The following KIF21A variants were observed in gnomAD, a reference collection of about 807,000 sequenced individuals.
KIF21A encodes the protein kinesin-like protein KIF21A.
Under a neutral mutation model 202.9 loss-of-function variants are expected in KIF21A, and 114 were observed. The ratio of observed to expected loss-of-function variants is 0.56; its 90% CI spans 0.48 to 0.66. The LOEUF (loss-of-function observed/expected upper bound fraction) is 0.66, where lower values mean the gene tolerates loss of function less well. Ranked by LOEUF, KIF21A falls within the 30% of genes least tolerant of loss-of-function variation. The pLI, the probability that KIF21A is intolerant of heterozygous loss-of-function variation, is 0.00. For synonymous variants in KIF21A, 667 were observed against 670.8 expected, an observed-to-expected ratio of 0.99 and a Z score of 0.09; for missense variants, 1,677 against 1,994.9, an observed-to-expected ratio of 0.84 and a Z score of 3.04.
rs79622415 is a variant in KIF21A, at chr12:39,332,851, C to T, written c.2702+42G>A. The T allele has an allele frequency of 9.3e-3, 14,907 of 1,607,554 alleles. 1,203 individuals are homozygous for T. In the African/African-American group the frequency reaches 0.18, roughly 19 times the overall value. ...ATTTAAGTACAACATTCAGTATTAA[C>T]GGCCAAGAAGATTACATCAGCAGGA... On this transcript the variant is annotated intron_variant, in intron 19 of 37. Coordinates refer to ENST00000361418, the MANE Select transcript of KIF21A (RefSeq NM_001173464.2).
intron 6 of KIF21A, among the ~76,000 whole-genome samples, chr12:39,365,230 A>G (rs1469522653): frequency 6.6e-6 from 1 of 152,190 alleles, no homozygotes; most frequent in Non-Finnish European, 1.5e-5. Flanking sequence ...GACTAATTTG[A>G]GTAATAAAAC....
intron 37 of KIF21A, among the ~76,000 whole-genome samples, chr12:39,294,887 G>A (rs1380553945): frequency 1.3e-5 from 2 of 152,168 alleles, no homozygotes. Flanking sequence ...CTGGCTCCGA[G>A]CCCTATCTCT....
intron 1 of KIF21A, among the ~76,000 whole-genome samples, chr12:39,426,071 G>T (rs1345180259): frequency 1.3e-5 from 2 of 151,944 alleles, no homozygotes; most frequent in African/African-American, 4.8e-5. Flanking sequence ...CAGGTAATCG[G>T]TCTACCAAGA....
In KIF21A at chr12:39,333,119, G is replaced by C. The variant is rs1223436259; in HGVS notation, c.2488-12C>G. 1.2e-6 allele frequency: 2 copies of C among 1,611,886 alleles called. No individual in the cohort carries two copies. Among genetic ancestry groups the C allele is most frequent in the Admixed American group, 3.3e-5 (2 of 59,988 alleles). On this transcript the variant is annotated splice_polypyrimidine_tract_variant and intron_variant, in intron 18 of 37. Coordinates refer to ENST00000361418, the MANE Select transcript of KIF21A (RefSeq NM_001173464.2). ...CGAAGAGCCGTAACCTGAAATTGCAGCAAAGGTTGACTCATTCTCTTAGTC... is the reference window on the plus strand; with the variant it reads ...CGAAGAGCCGTAACCTGAAATTGCACCAAAGGTTGACTCATTCTCTTAGTC...
At chr12:39,311,271 TTATA>T (rs994767313) in intron 32 of KIF21A, 142 bp downstream of exon 32, 47 of 708,324 alleles carry the variant, frequency 6.6e-5, no homozygotes, top group Non-Finnish European at 1.0e-4. Flanking sequence ...TGCAATAATT[TTATA>T]TATTTTACAT....
chr12:39,325,741 G>C, intron 26 of KIF21A, 98 bp downstream of exon 26: 1 of 843,308 alleles, frequency 1.2e-6, no homozygotes. Context: ...ATGCCCTCTT[G>C]CTAATCTATT....
rs1287153359 is a variant in KIF21A at position 39,316,114 on chromosome 12, C to A, written c.3909-144G>T. Reference sequence around the variant, plus strand: ...ATAGTGCCCTGCTTTTCTACTTGCACTGGATATTAGCATGTTTAAAGTATA... The same window carrying A: ...ATAGTGCCCTGCTTTTCTACTTGCAATGGATATTAGCATGTTTAAAGTATA... On this transcript the variant is annotated intron_variant, in intron 29 of 37. Transcript: ENST00000361418. 7 of 715,440 alleles carry A rather than the reference C, an allele frequency of 9.8e-6. No individual in the cohort carries two copies. The African/African-American group carries it at 1.2e-4, about 13-fold the overall frequency. The allele number at this position is 715,440 out of a possible 1,614,324, so 44.3% of individuals were successfully genotyped here. A position where few individuals can be genotyped will look rare whatever the true frequency, so the allele number is the denominator to read the frequency against.
At chr12:39,426,674 A>G (rs1242677491) in intron 1 of KIF21A, among the ~76,000 whole-genome samples, 1 of 150,914 alleles carries the variant, frequency 6.6e-6, no homozygotes, top group Non-Finnish European at 1.5e-5. Context: ...GGAGTTTGAG[A>G]CCAGCCTGGC....
rs1188204192 is a variant in KIF21A, at chr12:39,322,791, G to A, written c.3548C>T (p.Pro1183Leu). 8 of 1,614,052 alleles carry A rather than the reference G, an allele frequency of 5.0e-6. No homozygotes were observed. The highest frequency in any genetic ancestry group is 5.9e-6 in the Non-Finnish European group (7 of 1,179,956). ...SDTSTGDASL[P>L]GPLTPVAEGQ... ...TTCTGCAACAGGTGTGAGAGGGCCAGGCAAGGAGGCATCTCCTGTACTAGT... is the reference window on the plus strand; with the variant it reads ...TTCTGCAACAGGTGTGAGAGGGCCAAGCAAGGAGGCATCTCCTGTACTAGT... Residue 1183 changes from proline to leucine, a missense_variant, in exon 27 of 38, where the codon CCT becomes CTT. Coordinates refer to ENST00000361418, the MANE Select transcript of KIF21A (RefSeq NM_001173464.2).
chr12:39,297,999 T>C (rs976974000), intron 37 of KIF21A, among the ~76,000 whole-genome samples: 9 of 151,064 alleles, frequency 6.0e-5, no homozygotes, highest in Middle Eastern at 3.5e-3. Context: ...AAATTTCCAC[T>C]ACTAGCCATG....
At chr12:39,405,078 G>T (rs900063255) in intron 1 of KIF21A, among the ~76,000 whole-genome samples, 1 of 152,228 alleles carries the variant, frequency 6.6e-6, no homozygotes. Flanking sequence ...TGAAGGCCAG[G>T]CACTGGCTCA....
At chr12:39,323,006 C>CAGAGATTTATATGAGTTT in intron 26 of KIF21A, 124 bp from the exon 27 acceptor site, 105 of 584,442 alleles carry the variant, frequency 1.8e-4, no homozygotes, top group South Asian at 8.3e-4. Flanking sequence ...CCTAGGTGTG[C>CAGAGATTTATATGAGTTT]CAAACATAGC....
intron 24 of KIF21A, among the ~76,000 whole-genome samples, chr12:39,327,616 T>C (rs1946082205): frequency 6.6e-6 from 1 of 152,252 alleles, no homozygotes; most frequent in Non-Finnish European, 1.5e-5. Context: ...TAAAAAGCTC[T>C]TAACTCCTGC....
In KIF21A at chr12:39,351,993, A is replaced by AT; in HGVS notation, c.1470-14_1470-13insA. On this transcript the variant is annotated splice_polypyrimidine_tract_variant and intron_variant, in intron 10 of 37. Transcript: ENST00000361418. The stretch of plus-strand genomic sequence containing the variant: ...TAATAATTTTGCCCTAGCAAATAAA[A>AT]ATATATTTAAATAGGGAGCATTTTT... The AT allele has an allele frequency of 6.4e-7, 1 of 1,567,612 alleles. No individual in the cohort carries two copies. The highest frequency in any genetic ancestry group is 2.2e-5 in the East Asian group (1 of 44,612).
chr12:39,293,393 T>C lies in KIF21A; in HGVS notation c.*1031A>G, dbSNP rs1187682914. 6.6e-6 allele frequency: 1 copy of C among 152,554 alleles called. No individual in the cohort carries two copies. Among genetic ancestry groups the C allele is most frequent in the Non-Finnish European group, 1.5e-5 (1 of 68,020 alleles). 9.5% of individuals were successfully genotyped at this position (152,554 alleles called of 1,614,324 possible). ...AATTAATATTCTGAGCAGACAGAAA[T>C]ATTATACATCCTTTTGCAAAATCCA... On this transcript the variant is annotated 3_prime_UTR_variant, in exon 38 of 38. Transcript: ENST00000361418.
rs202085517 is a variant in KIF21A, at chr12:39,308,049, A to AT, written c.4278-321dup. Reference sequence around the variant, plus strand: ...TAAAACATCTTTCAGAAAAGATTAGATTTTTTTTTAATGTTAAACATAAAA... The same window carrying AT: ...TAAAACATCTTTCAGAAAAGATTAGATTTTTTTTTTAATGTTAAACATAAAA... On this transcript the variant is annotated intron_variant, in intron 33 of 37. Coordinates refer to ENST00000361418, the MANE Select transcript of KIF21A (RefSeq NM_001173464.2). Among the ~76,000 whole-genome samples, 841 of 151,556 alleles carry AT rather than the reference A, an allele frequency of 5.5e-3. 9 individuals carry two copies. The highest frequency in any genetic ancestry group is 0.018 in the African/African-American group (754 of 41,340).
At chr12:39,343,786 C>T (rs1366477341) in intron 12 of KIF21A, among the ~76,000 whole-genome samples, 3 of 152,158 alleles carry the variant, frequency 2.0e-5, no homozygotes, top group Non-Finnish European at 4.4e-5. Flanking sequence ...GGGATCGTGT[C>T]TGTTTGCCTC....
intron 1 of KIF21A, among the ~76,000 whole-genome samples, chr12:39,403,877 T>C (rs771098511): frequency 8.5e-5 from 13 of 152,284 alleles, no homozygotes; most frequent in Middle Eastern, 3.4e-3. Context: ...ATTAAGTTAA[T>C]GTTGAAATTA....
intron 35 of KIF21A, among the ~76,000 whole-genome samples, chr12:39,303,499 T>C (rs1433182261): frequency 1.3e-5 from 2 of 152,158 alleles, no homozygotes; most frequent in African/African-American, 4.8e-5. Flanking sequence ...TGTTGTTATG[T>C]ATGTTTTACT....
Sources: allele counts gnomAD v4.1 joint callset (sites outside exome capture counted in the v4.1 genomes callset), GRCh38; gene constraint gnomAD v4.1.1; transcripts MANE v1.5; gene names NCBI Gene and HGNC (gene_info 2026-07-23, HGNC 2026-07-21).